Variants in GABRB1 observed in about 807,000 individuals in gnomAD.
GABRB1 encodes gamma-aminobutyric acid type A receptor subunit beta1, also known as gamma-aminobutyric acid receptor subunit beta-1.
Under a neutral mutation model 51.6 loss-of-function variants are expected in GABRB1, and 17 were observed. The ratio of observed to expected loss-of-function variants is 0.33; its 90% CI spans 0.23 to 0.49. The LOEUF (loss-of-function observed/expected upper bound fraction) is 0.49, where lower values mean the gene tolerates loss of function less well. Ranked by LOEUF, GABRB1 falls within the 20% of genes least tolerant of loss-of-function variation. The pLI, the probability that GABRB1 is intolerant of heterozygous loss-of-function variation, is 0.99. For synonymous variants in GABRB1, 247 were observed against 218.9 expected (o/e 1.13, Z -1.14); for missense variants, 410 against 600.6 (o/e 0.68, Z 3.32).
intron 1 of GABRB1, among the ~76,000 whole-genome samples, chr4:47,014,848 A>G (rs2109443927): frequency 6.6e-6 from 1 of 152,310 alleles, no homozygotes; most frequent in Non-Finnish European, 1.5e-5. Context: ...AAGGCTATAG[A>G]AAGACATAAG....
At chr4:47,380,302 C>A (rs1463531629) in intron 5 of GABRB1, among the ~76,000 whole-genome samples, 3 of 152,140 alleles carry the variant, frequency 2.0e-5, no homozygotes, top group African/African-American at 7.2e-5. Flanking sequence ...AAGAAGTAGA[C>A]ACACAGCGGA....
At chr4:47,344,710 T>G (rs971466973) in intron 5 of GABRB1, among the ~76,000 whole-genome samples, 1 of 150,590 alleles carries the variant, frequency 6.6e-6, no homozygotes, top group African/African-American at 2.4e-5. Context: ...TTGTTTTGTG[T>G]GTGTGTTTTT....
chr4:47,197,469 G>A (rs1719729659), intron 4 of GABRB1, among the ~76,000 whole-genome samples: 1 of 152,114 alleles, frequency 6.6e-6, no homozygotes, highest in African/African-American at 2.4e-5. Flanking sequence ...AAGTGTTGGT[G>A]TTTCCTTACT....
chr4:47,007,548 T>C (rs1724444733), intron 1 of GABRB1, among the ~76,000 whole-genome samples: 1 of 152,190 alleles, frequency 6.6e-6, no homozygotes, highest in Non-Finnish European at 1.5e-5. Context: ...ACCTAATAAC[T>C]GCAGAGTATA....
upstream of GABRB1, among the ~76,000 whole-genome samples, chr4:47,026,781 T>C (rs939585897): frequency 5.9e-5 from 9 of 152,092 alleles, no homozygotes; most frequent in African/African-American, 2.2e-4. Flanking sequence ...ATGCATTTAA[T>C]TATACAGGAG....
rs1190935241 is a variant in GABRB1, at chr4:47,239,581, T to G, written c.461+78112T>G. On this transcript the variant is annotated intron_variant, in intron 4 of 8. Transcript: ENST00000295454. ...TGGCTTGGTCTAGAAATGGCAAGTT[T>G]GCAACTGCTACGAGAAACAGAACTT... 2.6e-5 allele frequency among the ~76,000 whole-genome samples: 4 copies of G among 152,222 alleles called. No homozygotes were observed. In the East Asian group the frequency reaches 7.7e-4, roughly 29 times the overall value.
chr4:47,373,347 T>C lies in GABRB1; in HGVS notation c.545-29971T>C, dbSNP rs929540104. On this transcript the variant is annotated intron_variant, in intron 5 of 8. Transcript: ENST00000295454. ...CCCTAAGTACACTCAGGAAAAGATG[T>C]GTCATCACACATGTTTGTAGTTCTC... 3.9e-5 allele frequency among the ~76,000 whole-genome samples: 6 copies of C among 152,214 alleles called. No individual in the cohort carries two copies. In the East Asian group the frequency reaches 5.8e-4, roughly 15 times the overall value.
At chr4:47,050,530 A>G (rs1246028975) in intron 3 of GABRB1, among the ~76,000 whole-genome samples, 1 of 152,218 alleles carries the variant, frequency 6.6e-6, no homozygotes, top group Non-Finnish European at 1.5e-5. Context: ...AGTAAATGCC[A>G]ATGCAAAGAG....
At chr4:47,030,262 A>G (rs1428952392), upstream of GABRB1, among the ~76,000 whole-genome samples, 1 of 152,164 alleles carries the variant, frequency 6.6e-6, no homozygotes, top group Admixed American at 6.5e-5. Flanking sequence ...TCCTAGGTAC[A>G]TTAGAATTTT....
At chr4:47,011,897 GA>G (rs202226996) in intron 1 of GABRB1, among the ~76,000 whole-genome samples, 3 of 151,292 alleles carry the variant, frequency 2.0e-5, no homozygotes, top group African/African-American at 4.9e-5. Flanking sequence ...CCAAATACAG[GA>G]AAAAAAATCC....
In GABRB1 at chr4:47,140,016, G is replaced by A. The variant is rs577277140; in HGVS notation, c.241-21233G>A. On this transcript the variant is annotated intron_variant, in intron 3 of 8. Transcript: ENST00000295454. ...GACAGCAGCGGTAAGAATATCAGATGGAAACACAGGTTGTGTGACACTATA... is the reference window on the plus strand; with the variant it reads ...GACAGCAGCGGTAAGAATATCAGATAGAAACACAGGTTGTGTGACACTATA... Among the ~76,000 whole-genome samples, 35 of 150,872 alleles carry A rather than the reference G, an allele frequency of 2.3e-4. No homozygotes were observed. In the South Asian group the frequency reaches 7.1e-3, roughly 31 times the overall value.
intron 3 of GABRB1, among the ~76,000 whole-genome samples, chr4:47,110,187 G>A (rs916194894): frequency 6.6e-6 from 1 of 151,916 alleles, no homozygotes; most frequent in Non-Finnish European, 1.5e-5. Flanking sequence ...AAGATATTGG[G>A]CCAAATCTGA....
At chr4:47,212,233 C>T (rs1720386954) in intron 4 of GABRB1, among the ~76,000 whole-genome samples, 1 of 152,238 alleles carries the variant, frequency 6.6e-6, no homozygotes, top group African/African-American at 2.4e-5. Flanking sequence ...CATGCTCTTC[C>T]ACCTCTGATC....
chr4:47,191,303 T>G (rs1719433112), intron 4 of GABRB1, among the ~76,000 whole-genome samples: 1 of 152,176 alleles, frequency 6.6e-6, no homozygotes. Flanking sequence ...TTTTCAAAAA[T>G]CACATGGCAG....
chr4:47,425,595 G>A, intron 8 of GABRB1, 79 bp from the exon 9 acceptor site: 2 of 1,065,274 alleles, frequency 1.9e-6, no homozygotes, highest in Admixed American at 4.4e-5. Flanking sequence ...GAGCCTTATG[G>A]GGTATCATTA....
Position 47,187,849 on chromosome 4 carries a change from G to T in GABRB1, c.461+26380G>T, listed in dbSNP as rs751457573. Among the ~76,000 whole-genome samples the T allele has an allele frequency of 1.1e-3, 174 of 151,960 alleles. 1 individual carries two copies. Among genetic ancestry groups the T allele is most frequent in the Non-Finnish European group, 1.6e-3 (109 of 67,896 alleles). Reference sequence around the variant, plus strand: ...GTTCATACATGCCAAGTGGACTTCTGCCTAGGGTCCTTGTTCTTACCATCC... The same window carrying T: ...GTTCATACATGCCAAGTGGACTTCTTCCTAGGGTCCTTGTTCTTACCATCC... On this transcript the variant is annotated intron_variant, in intron 4 of 8. Transcript: ENST00000295454.
At chr4:47,070,554 A>T (rs1459216396) in intron 3 of GABRB1, among the ~76,000 whole-genome samples, 1 of 150,522 alleles carries the variant, frequency 6.6e-6, no homozygotes, top group African/African-American at 2.5e-5. Flanking sequence ...CTGTTCTCGA[A>T]CTCCTGACCT....
intron 4 of GABRB1, among the ~76,000 whole-genome samples, chr4:47,266,821 C>T (rs1348928869): frequency 6.6e-6 from 1 of 151,962 alleles, no homozygotes; most frequent in Admixed American, 6.6e-5. Flanking sequence ...AGTTTATGTT[C>T]AGTGTTTCTT....
chr4:47,354,573 A>G (rs1322421716), intron 5 of GABRB1, among the ~76,000 whole-genome samples: 1 of 151,768 alleles, frequency 6.6e-6, no homozygotes, highest in Non-Finnish European at 1.5e-5. Context: ...TTTTCCTTTC[A>G]TCTTAGGAAT....
Sources: gnomAD v4.1 joint callset for allele counts (sites outside exome capture counted in the v4.1 genomes callset) on GRCh38, gnomAD v4.1.1 for gene constraint, MANE v1.5 for transcripts, NCBI Gene and HGNC (gene_info 2026-07-23, HGNC 2026-07-21) for gene names.